Variants in CPS1 observed in about 807,000 individuals in gnomAD.
CPS1 encodes carbamoyl-phosphate synthase [ammonia], mitochondrial.
Under a neutral mutation model 174.6 loss-of-function variants are expected in CPS1, and 109 were observed. That is an observed-to-expected ratio of 0.62 (90% CI 0.53 to 0.73). The LOEUF is 0.73. CPS1 is among the 30% of genes least tolerant of loss of function. The probability of loss-of-function intolerance (pLI) is 0.00; values close to 1 mark genes in which losing one functional copy is unlikely to be tolerated. For synonymous variants in CPS1, 637 were observed against 632.0 expected, an observed-to-expected ratio of 1.01 and a Z score of -0.12; for missense variants, 1,689 against 1,821.9, an observed-to-expected ratio of 0.93 and a Z score of 1.33.
At chr2:210,639,383 C>T (rs890952227) in intron 23 of CPS1, among the ~76,000 whole-genome samples, 168 bp downstream of exon 23, 2 of 151,472 alleles carry the variant, frequency 1.3e-5, no homozygotes, top group Non-Finnish European at 2.9e-5. Flanking sequence ...GAGGCCGAGG[C>T]GGGTGGATCA....
chr2:210,523,011 AC>A (rs1243061077), intron 1 of CPS1, among the ~76,000 whole-genome samples: 2 of 152,106 alleles, frequency 1.3e-5, no homozygotes, highest in African/African-American at 4.8e-5. Flanking sequence ...ATCTGAGCAA[AC>A]TCTGGTGAAA....
chr2:210,486,526 T>C (rs1228250180), intron 1 of CPS1, among the ~76,000 whole-genome samples: 1 of 152,200 alleles, frequency 6.6e-6, no homozygotes, highest in African/African-American at 2.4e-5. Flanking sequence ...TTTTCTTTTT[T>C]TGAGATGGAG....
At position 210,675,859 on chromosome 2, in the gene CPS1, G is replaced by A. The variant is rs937291152; in HGVS notation, c.4274+19G>A. Reference sequence around the variant, plus strand: ...TCAGAAAGTAAGAACTAGGCATACTGTTTTCTGAAATAATTTAGAGGATTA... The same window carrying A: ...TCAGAAAGTAAGAACTAGGCATACTATTTTCTGAAATAATTTAGAGGATTA... On this transcript the variant is annotated intron_variant, in intron 36 of 37. Coordinates refer to ENST00000233072, the MANE Select transcript of CPS1 (RefSeq NM_001875.5). The A allele has an allele frequency of 1.8e-6, 2 of 1,094,818 alleles. No homozygotes were observed. Among genetic ancestry groups the A allele is most frequent in the East Asian group, 2.3e-5 (1 of 42,604 alleles). The allele number at this position is 1,094,818 out of a possible 1,614,324, so 67.8% of individuals were successfully genotyped here.
rs1392797691 is a variant in CPS1, at chr2:210,599,517, A to G, written c.1505A>G (p.Asp502Gly). 6.2e-7 allele frequency: 1 copy of G among 1,612,500 alleles called. No homozygotes were observed. Among genetic ancestry groups the G allele is most frequent in the Non-Finnish European group, 8.5e-7 (1 of 1,178,992 alleles). ...GAGGTCATCAAGGCAGAACAGCCAGATGGGTTAATTCTGGGCATGGGTGGC... is the reference window on the plus strand; with the variant it reads ...GAGGTCATCAAGGCAGAACAGCCAGGTGGGTTAATTCTGGGCATGGGTGGC... The part of the protein sequence containing the change: ...VTEVIKAEQP[D>G]GLILGMGGQT... Residue 502 changes from aspartate to glycine, a missense_variant, in exon 14 of 38, where the codon GAT becomes GGT. Asp to Gly is a moderately conservative substitution (Grantham distance 94). Transcript: ENST00000233072.
At chr2:210,662,496 T>A (rs554557296) in intron 32 of CPS1, among the ~76,000 whole-genome samples, 4 of 152,276 alleles carry the variant, frequency 2.6e-5, no homozygotes, top group African/African-American at 9.6e-5. Context: ...AGTGGACACA[T>A]AGCGAGAAAC....
chr2:210,624,656 A>G (rs903954865), intron 21 of CPS1, among the ~76,000 whole-genome samples: 2 of 152,100 alleles, frequency 1.3e-5, no homozygotes, highest in African/African-American at 2.4e-5. Flanking sequence ...TGAGATAGAT[A>G]TAAAATTTTA....
chr2:210,566,873 T>A lies in CPS1; in HGVS notation c.127-6425T>A, dbSNP rs1327447917. ...CATAGGGAATTGATCAGAATGGAGT[T>A]CTCGGTGACACAACATGCTCCCAAA... On this transcript the variant is annotated intron_variant, in intron 1 of 37. Coordinates refer to ENST00000233072, the MANE Select transcript of CPS1 (RefSeq NM_001875.5). 3.3e-5 allele frequency among the ~76,000 whole-genome samples: 5 copies of A among 152,142 alleles called. No homozygotes were observed. The East Asian group carries it at 9.6e-4, about 29-fold the overall frequency.
intron 1 of CPS1, among the ~76,000 whole-genome samples, chr2:210,502,379 AT>A (rs1203015945): frequency 3.0e-3 from 162 of 54,504 alleles, no homozygotes; most frequent in Non-Finnish European, 6.8e-3. Flanking sequence ...ATATATATAT[AT>A]TTTTTTATAT....
chr2:210,488,530 A>C (rs1309617875), intron 1 of CPS1, among the ~76,000 whole-genome samples: 1 of 152,182 alleles, frequency 6.6e-6, no homozygotes, highest in Non-Finnish European at 1.5e-5. Context: ...CCTTATTAAC[A>C]TGCTGCCTGT....
At chr2:210,494,670 C>G (rs1215510415) in intron 1 of CPS1, among the ~76,000 whole-genome samples, 1 of 150,520 alleles carries the variant, frequency 6.6e-6, no homozygotes, top group Non-Finnish European at 1.5e-5. Context: ...CATGGCTGGG[C>G]TAGGTCTAAA....
rs1002923063 is a variant in CPS1 at position 210,665,526 on chromosome 2, C to T, written c.4002+2329C>T. Among the ~76,000 whole-genome samples, 6 of 147,060 alleles carry T rather than the reference C, an allele frequency of 4.1e-5. No homozygotes were observed. The East Asian group carries it at 6.1e-4, about 15-fold the overall frequency. ...GAGTGTGATATTCCCCTTCCTGTGT[C>T]CATGTGTTCCCATTGTTCAATTCCC... is the stretch of plus-strand genomic sequence containing the variant. On this transcript the variant is annotated intron_variant, in intron 33 of 37. Transcript: ENST00000233072.
At position 210,656,532 on chromosome 2, in the gene CPS1, C is replaced by A; in HGVS notation, c.3566C>A (p.Ser1189Tyr). ...TTTTTTTTTTTTGGCCAGGTTATCT[C>A]TCATGCCATCTCTGAACATGTTGAA... ...DAVGKDGRVI[S>Y]HAISEHVEDA... The change falls in exon 30 of 38, where the codon TCT becomes TAT. Residue 1189 changes from serine to tyrosine, a missense_variant. Transcript: ENST00000233072. 2 of 1,581,666 alleles carry A rather than the reference C, an allele frequency of 1.3e-6. No homozygotes were observed. Among genetic ancestry groups the A allele is most frequent in the Non-Finnish European group, 1.7e-6 (2 of 1,162,134 alleles).
chr2:210,630,317 G>C (rs778420072), intron 21 of CPS1, among the ~76,000 whole-genome samples: 12 of 152,004 alleles, frequency 7.9e-5, no homozygotes, highest in Non-Finnish European at 1.8e-4. Flanking sequence ...AAAAGAACAG[G>C]AAATTCAGAA....
rs1311110127 is a variant in CPS1 at position 210,592,952 on chromosome 2, C to A, written c.1160C>A (p.Thr387Asn). The A allele has an allele frequency of 2.5e-6, 4 of 1,611,736 alleles. No individual in the cohort carries two copies. The highest frequency in any genetic ancestry group is 3.4e-6 in the Non-Finnish European group (4 of 1,178,626). The change falls in exon 11 of 38, where the codon ACT (threonine) becomes AAT (asparagine). Residue 387 changes from threonine to asparagine, a missense_variant. Thr to Asn is a moderately conservative substitution (Grantham distance 65). Coordinates refer to ENST00000233072, the MANE Select transcript of CPS1 (RefSeq NM_001875.5). ...HPEVTPGPIDTEYLFDSFFSL... is the reference protein window; with the variant it reads ...HPEVTPGPIDNEYLFDSFFSL... Reference sequence around the variant, plus strand: ...GAGGTCACCCCGGGGCCAATAGACACTGAGGTACGTCAAAAAGATGAGGCC... The same window carrying A: ...GAGGTCACCCCGGGGCCAATAGACAATGAGGTACGTCAAAAAGATGAGGCC...
intron 33 of CPS1, among the ~76,000 whole-genome samples, 186 bp from the exon 34 acceptor site, chr2:210,668,000 T>C (rs910238780): frequency 5.3e-5 from 8 of 152,028 alleles, no homozygotes; most frequent in African/African-American, 1.9e-4. Flanking sequence ...TGGATTCAGA[T>C]TGCACAGGCT....
chr2:210,639,851 C>CTTA, intron 23 of CPS1, 145 bp from the exon 24 acceptor site: 1 of 659,846 alleles, frequency 1.5e-6, no homozygotes, highest in Non-Finnish European at 2.7e-6. Context: ...ACACTTTATA[C>CTTA]TTATGGGTTT....
chr2:210,654,499 T>C (rs1286289297), intron 29 of CPS1, among the ~76,000 whole-genome samples: 2 of 152,120 alleles, frequency 1.3e-5, no homozygotes, highest in Non-Finnish European at 2.9e-5. Flanking sequence ...TCATTTCCCA[T>C]CCTCCTCCCT....
chr2:210,594,674 A>G, intron 12 of CPS1, 68 bp downstream of exon 12: 1 of 1,128,856 alleles, frequency 8.9e-7, no homozygotes. Context: ...GATTTTTAAA[A>G]ACTAAGTGAT....
At chr2:210,510,456 A>G (rs1695431239) in intron 1 of CPS1, among the ~76,000 whole-genome samples, 1 of 152,230 alleles carries the variant, frequency 6.6e-6, no homozygotes, top group Non-Finnish European at 1.5e-5. Context: ...ACCATTCAGG[A>G]CATAGGCATG....
Sources: gnomAD v4.1 joint callset for allele counts (sites outside exome capture counted in the v4.1 genomes callset) on GRCh38, gnomAD v4.1.1 for gene constraint, MANE v1.5 for transcripts, NCBI Gene and HGNC (gene_info 2026-07-23, HGNC 2026-07-21) for gene names.